The following PLA2G4E variants were observed in gnomAD, a reference collection of about 807,000 sequenced individuals.
PLA2G4E encodes the protein cytosolic phospholipase A2 epsilon.
Under a neutral mutation model 109.1 loss-of-function variants are expected in PLA2G4E, and 84 were observed. The ratio of observed to expected loss-of-function variants is 0.77; its 90% CI spans 0.65 to 0.92. The LOEUF (loss-of-function observed/expected upper bound fraction) is 0.92, where lower values mean the gene tolerates loss of function less well. PLA2G4E is among the 40% of genes least tolerant of loss of function. The pLI is 0.00. For missense variants in PLA2G4E, 1,057 were observed against 1,076.6 expected (o/e 0.98, Z 0.25); for synonymous variants, 469 against 436.1 (o/e 1.08, Z -0.94).
At chr15:42,028,062 T>G (rs1430737823) in intron 1 of PLA2G4E, among the ~76,000 whole-genome samples, 1 of 152,260 alleles carries the variant, frequency 6.6e-6, no homozygotes, top group East Asian at 1.9e-4. Flanking sequence ...AAGGAATGGC[T>G]AAATTAGTTA....
At chr15:42,020,669 C>T (rs751297890) in intron 1 of PLA2G4E, among the ~76,000 whole-genome samples, 16 of 152,206 alleles carry the variant, frequency 1.1e-4, no homozygotes, top group Non-Finnish European at 1.3e-4. Flanking sequence ...GATGGCCCCA[C>T]GCCACTTCAT....
At chr15:42,033,127 G>A (rs1254493849) in intron 1 of PLA2G4E, among the ~76,000 whole-genome samples, 1 of 152,052 alleles carries the variant, frequency 6.6e-6, no homozygotes, top group African/African-American at 2.4e-5. Context: ...ACTTGGGAGC[G>A]GACGCTTATG....
intron 1 of PLA2G4E, among the ~76,000 whole-genome samples, chr15:42,038,151 C>CT (rs1342434976): frequency 1.3e-5 from 2 of 152,116 alleles, no homozygotes; most frequent in East Asian, 1.9e-4. Context: ...ATAAGAGATA[C>CT]TTTTTAAAAA....
At chr15:41,993,947 C>T (rs898705462) in intron 12 of PLA2G4E, among the ~76,000 whole-genome samples, 7 of 152,186 alleles carry the variant, frequency 4.6e-5, no homozygotes, top group South Asian at 4.1e-4. Context: ...CATCCCACCC[C>T]GGCTGGGCCT....
chr15:41,988,861 C>T (rs753561821), intron 15 of PLA2G4E, among the ~76,000 whole-genome samples: 5 of 152,128 alleles, frequency 3.3e-5, no homozygotes, highest in Non-Finnish European at 2.9e-5. Context: ...TTGGGATAGA[C>T]AGAAGGGGAA....
intron 1 of PLA2G4E, among the ~76,000 whole-genome samples, chr15:42,044,875 G>A (rs1166752072): frequency 2.6e-5 from 4 of 152,166 alleles, no homozygotes; most frequent in African/African-American, 4.8e-5. Context: ...AAGATGTGTT[G>A]TAGTGGCTCA....
intron 18 of PLA2G4E, among the ~76,000 whole-genome samples, chr15:41,985,048 A>G (rs908749488): frequency 9.9e-5 from 15 of 152,212 alleles, no homozygotes; most frequent in South Asian, 4.1e-4. Context: ...TGTCGCAGGA[A>G]GAGCACTGCC....
chr15:41,992,702 G>A (rs2068271021), intron 13 of PLA2G4E, 35 bp downstream of exon 13: 2 of 1,597,094 alleles, frequency 1.3e-6, no homozygotes, highest in Non-Finnish European at 1.7e-6. Context: ...CATCAGCCAG[G>A]GCAGGGTGGG....
chr15:42,002,662 C>A lies in PLA2G4E; in HGVS notation c.601G>T (p.Val201Leu), dbSNP rs376852091. 2.7e-5 allele frequency: 43 copies of A among 1,585,208 alleles called. No homozygotes were observed. In the African/African-American group the frequency reaches 5.4e-4, roughly 20 times the overall value. Residue 201 changes from valine (V) to leucine (L), a missense_variant, in exon 6 of 20, where the codon GTG becomes TTG. Coordinates refer to ENST00000399518, the Ensembl canonical transcript of PLA2G4E. ...CCCAGGAAGATAATTACCACCAGCA[C>A]GCCATTGGTGACGAGGGTCTCAGGT...
chr15:42,016,371 T>TG (rs944196476), intron 1 of PLA2G4E, among the ~76,000 whole-genome samples: 5 of 151,650 alleles, frequency 3.3e-5, no homozygotes, highest in African/African-American at 1.2e-4. Context: ...AGCCTCACTC[T>TG]GTCATATAGG....
intron 6 of PLA2G4E, among the ~76,000 whole-genome samples, chr15:42,001,838 C>T (rs532550004): frequency 1.3e-5 from 2 of 152,234 alleles, no homozygotes; most frequent in East Asian, 3.9e-4. Context: ...ACTACAGACA[C>T]ATGCTACCAT....
At chr15:41,997,232 G>A (rs1175231757) in exon 11 of PLA2G4E, 1 of 1,549,630 alleles carries the variant, frequency 6.5e-7, no homozygotes, top group Non-Finnish European at 8.7e-7. Flanking sequence ...ACAGGCTGAA[G>A]CCCAGCCGCA....
chr15:42,050,361 G>A (rs1012101606), intron 1 of PLA2G4E, among the ~76,000 whole-genome samples: 2 of 152,234 alleles, frequency 1.3e-5, no homozygotes, highest in Non-Finnish European at 2.9e-5. Context: ...AGGACAGATA[G>A]GTGATGGCAG....
At chr15:41,987,940 C>T (rs899632328) in intron 16 of PLA2G4E, 109 bp downstream of exon 16, 3 of 563,060 alleles carry the variant, frequency 5.3e-6, no homozygotes, top group Admixed American at 3.1e-5. Flanking sequence ...GGCCGCCCCC[C>T]ATCACCCAGC....
chr15:42,041,400 C>T (rs947228878), intron 1 of PLA2G4E, among the ~76,000 whole-genome samples: 1 of 152,122 alleles, frequency 6.6e-6, no homozygotes, highest in African/African-American at 2.4e-5. Flanking sequence ...GGCATCTAGG[C>T]GTTGGATACT....
chr15:41,992,224 G>A (rs983939398), intron 13 of PLA2G4E, among the ~76,000 whole-genome samples: 2 of 152,182 alleles, frequency 1.3e-5, no homozygotes, highest in Admixed American at 6.5e-5. Flanking sequence ...TGCTGAGGCT[G>A]CACTTCCTGT....
At chr15:41,984,016 A>T (rs557652361) in intron 19 of PLA2G4E, 42 bp from the exon 20 acceptor site, 1 of 1,536,096 alleles carries the variant, frequency 6.5e-7, no homozygotes, top group South Asian at 1.2e-5. Flanking sequence ...CTGTCATGTT[A>T]GGTTGGAATG....
chr15:41,989,573 C>T (rs749565262), intron 14 of PLA2G4E, 21 bp from the exon 15 acceptor site: 51 of 1,607,542 alleles, frequency 3.2e-5, no homozygotes, highest in South Asian at 9.9e-5. Context: ...AGCAGCAGGA[C>T]GGGGGTCAGT....
At chr15:42,009,225 C>T (rs923112106) in intron 2 of PLA2G4E, 4 of 152,172 alleles carry the variant, frequency 2.6e-5, no homozygotes, top group Non-Finnish European at 5.9e-5. Flanking sequence ...CCTACTCTTC[C>T]CTTCTATGCT....
Sources: gnomAD v4.1 joint callset for allele counts (sites outside exome capture counted in the v4.1 genomes callset) on GRCh38, gnomAD v4.1.1 for gene constraint, MANE v1.5 for transcripts, NCBI Gene and HGNC (gene_info 2026-07-23, HGNC 2026-07-21) for gene names.